Variants in EGF observed in about 807,000 individuals in gnomAD.
EGF encodes the protein epidermal growth factor, also known as pro-epidermal growth factor.
Under a neutral mutation model 143.8 loss-of-function variants are expected in EGF, and 95 were observed. That is an observed-to-expected ratio of 0.66 (90% CI 0.56 to 0.78). The LOEUF (loss-of-function observed/expected upper bound fraction) is 0.78. EGF is among the 30% of genes least tolerant of loss of function. The probability of loss-of-function intolerance (pLI) is 0.00; values close to 1 mark genes in which losing one functional copy is unlikely to be tolerated. For synonymous variants in EGF, 510 were observed against 510.5 expected (o/e 1.00, Z 0.01); for missense variants, 1,320 against 1,470.9 (o/e 0.90, Z 1.68).
intron 5 of EGF, among the ~76,000 whole-genome samples, chr4:109,952,119 T>C (rs1391698286): frequency 6.6e-6 from 1 of 152,220 alleles, no homozygotes; most frequent in Non-Finnish European, 1.5e-5. Context: ...TACACTATTA[T>C]ACAAATCTCA....
intron 14 of EGF, 102 bp downstream of exon 14, chr4:109,980,241 T>G: frequency 5.3e-6 from 6 of 1,129,176 alleles, no homozygotes; most frequent in African/African-American, 1.6e-5. Context: ...GGGGATTTTG[T>G]AACTTTCACT....
In EGF at chr4:110,013,729, C is replaced by T. The variant is rs11569158; in HGVS notation, c.*2274C>T. Reference sequence around the variant, plus strand: ...CTATGTAAAAAATGAGCATATTGGCCTCTTTTCTAGCATCTAATAAAGGCT... The same window carrying T: ...CTATGTAAAAAATGAGCATATTGGCTTCTTTTCTAGCATCTAATAAAGGCT... On this transcript the variant is annotated 3_prime_UTR_variant, in exon 24 of 24. Transcript: ENST00000265171. Among the ~76,000 whole-genome samples, 4,561 of 152,036 alleles carry T rather than the reference C, an allele frequency of 0.03. 237 individuals are homozygous for T. The highest frequency in any genetic ancestry group is 0.11 in the African/African-American group (4,352 of 41,444).
At chr4:109,989,824 A>G (rs967852916) in intron 18 of EGF, among the ~76,000 whole-genome samples, 13 of 152,096 alleles carry the variant, frequency 8.5e-5, no homozygotes, top group Non-Finnish European at 1.6e-4. Context: ...CGAGCACGCA[A>G]TGGGGTGTGC....
chr4:109,916,972 C>T (rs534653973), intron 1 of EGF, among the ~76,000 whole-genome samples: 38 of 152,186 alleles, frequency 2.5e-4, no homozygotes, highest in African/African-American at 8.9e-4. Context: ...AAGAACATGT[C>T]AACTTGATTT....
At chr4:109,935,514 C>T (rs185837239) in intron 1 of EGF, among the ~76,000 whole-genome samples, 20 of 152,280 alleles carry the variant, frequency 1.3e-4, no homozygotes, top group South Asian at 6.2e-4. Context: ...GACAATTTGA[C>T]GTCCCTTTTT....
In EGF at chr4:110,004,627, T is replaced by C. The variant is rs1376798311; in HGVS notation, c.3291+5T>C. 1 of 1,613,502 alleles carries C rather than the reference T, an allele frequency of 6.2e-7. No homozygotes were observed. ...TCCTCTTGCCCTCAACCTTGGGTAATGTGACCAAAGCAGATGAAGCAAGGA... is the reference window on the plus strand; with the variant it reads ...TCCTCTTGCCCTCAACCTTGGGTAACGTGACCAAAGCAGATGAAGCAAGGA... On this transcript the variant is annotated splice_donor_5th_base_variant and intron_variant, in intron 22 of 23. Transcript: ENST00000265171.
At chr4:109,949,735 C>G (rs1209692326) in intron 5 of EGF, among the ~76,000 whole-genome samples, 1 of 151,468 alleles carries the variant, frequency 6.6e-6, no homozygotes, top group Non-Finnish European at 1.5e-5. Context: ...TGACTTAAAA[C>G]ATGGGAATTT....
Position 109,960,745 on chromosome 4 carries a change from C to A in EGF, c.1067-122C>A, listed in dbSNP as rs547120765. On this transcript the variant is annotated intron_variant, in intron 6 of 23. Coordinates refer to ENST00000265171, the MANE Select transcript of EGF (RefSeq NM_001963.6). ...TGCTAGAGTATGGAAAACAGACTTT[C>A]CATGATCAATTACAGCATATACAAG... is the stretch of plus-strand genomic sequence containing the variant. 73 of 1,135,378 alleles carry A rather than the reference C, an allele frequency of 6.4e-5. No individual in the cohort carries two copies. The African/African-American group carries it at 1.0e-3, about 16-fold the overall frequency. 70.3% of individuals were successfully genotyped at this position (1,135,378 alleles called of 1,614,324 possible). A position where few individuals can be genotyped will look rare whatever the true frequency, so the allele number is the denominator to read the frequency against.
intron 23 of EGF, among the ~76,000 whole-genome samples, chr4:110,009,706 G>A (rs1308101701): frequency 6.6e-6 from 1 of 152,118 alleles, no homozygotes; most frequent in Non-Finnish European, 1.5e-5. Context: ...GGGTGAAAAT[G>A]CGCATAGAGA....
At chr4:109,917,314 T>C (rs758966069) in intron 1 of EGF, among the ~76,000 whole-genome samples, 5 of 152,234 alleles carry the variant, frequency 3.3e-5, no homozygotes, top group Non-Finnish European at 5.9e-5. Context: ...TAGAAGTTGC[T>C]TGTGTTCATG....
chr4:109,920,470 G>C lies in EGF; in HGVS notation c.127+7008G>C, dbSNP rs1010573333. On this transcript the variant is annotated intron_variant, in intron 1 of 23. Coordinates refer to ENST00000265171, the MANE Select transcript of EGF (RefSeq NM_001963.6). ...GGAGAACAGGGGAGAGCACTTGATGGGGCGAGGAGAAGAGAGGCAGGCCCT... is the reference window on the plus strand; with the variant it reads ...GGAGAACAGGGGAGAGCACTTGATGCGGCGAGGAGAAGAGAGGCAGGCCCT... 7.3e-5 allele frequency among the ~76,000 whole-genome samples: 11 copies of C among 151,556 alleles called. 2 individuals carry two copies. Among genetic ancestry groups the C allele is most frequent in the African/African-American group, 2.2e-4 (9 of 40,876 alleles).
chr4:110,000,673 G>A (rs1752463096), intron 21 of EGF, among the ~76,000 whole-genome samples: 1 of 152,116 alleles, frequency 6.6e-6, no homozygotes, highest in African/African-American at 2.4e-5. Context: ...ACTACATTAG[G>A]GTGCAGGCAC....
intron 11 of EGF, among the ~76,000 whole-genome samples, chr4:109,972,851 T>C (rs1246894330): frequency 2.0e-5 from 3 of 152,078 alleles, no homozygotes; most frequent in Non-Finnish European, 2.9e-5. Flanking sequence ...ACCTAGAAAA[T>C]AGTTGGTGAA....
chr4:110,003,566 G>C (rs11569106), intron 21 of EGF, among the ~76,000 whole-genome samples: 241 of 152,162 alleles, frequency 1.6e-3, no homozygotes, highest in African/African-American at 5.4e-3. Flanking sequence ...TTTGACAGAG[G>C]GTTGCATTCC....
At position 109,913,245 on chromosome 4, in the gene EGF, C is replaced by T. The variant is rs74541082; in HGVS notation, c.-91C>T. 50 of 1,551,810 alleles carry T rather than the reference C, an allele frequency of 3.2e-5. No homozygotes were observed. Among genetic ancestry groups the T allele is most frequent in the Non-Finnish European group, 3.9e-5 (44 of 1,129,936 alleles). ...GGGCTGAGGCCTCCGCTCAGGCAGCCGCATCTGGGGTCAATCATACTCACC... is the reference window on the plus strand; with the variant it reads ...GGGCTGAGGCCTCCGCTCAGGCAGCTGCATCTGGGGTCAATCATACTCACC... On this transcript the variant is annotated 5_prime_UTR_variant, in exon 1 of 24. Coordinates refer to ENST00000265171, the MANE Select transcript of EGF (RefSeq NM_001963.6).
At chr4:109,954,214 G>A (rs1311224020) in intron 5 of EGF, among the ~76,000 whole-genome samples, 1 of 152,088 alleles carries the variant, frequency 6.6e-6, no homozygotes, top group African/African-American at 2.4e-5. Flanking sequence ...ACCACACCTG[G>A]CTAATTTTTG....
chr4:109,940,914 G>A (rs1741817588), intron 1 of EGF, 32 bp from the exon 2 acceptor site: 1 of 1,594,304 alleles, frequency 6.3e-7, no homozygotes, highest in Admixed American at 1.7e-5. Context: ...AATATTAAAA[G>A]TATACAGTTT....
chr4:109,929,244 T>A (rs879668886), intron 1 of EGF, among the ~76,000 whole-genome samples: 13 of 152,298 alleles, frequency 8.5e-5, no homozygotes, highest in Admixed American at 8.5e-4. Context: ...GGCATAGCTT[T>A]GTACCCCTAC....
chr4:109,994,830 C>T lies in EGF; in HGVS notation c.2955C>T (p.Leu985=). 6.2e-7 allele frequency: 1 copy of T among 1,614,136 alleles called. No individual in the cohort carries two copies. Among genetic ancestry groups the T allele is most frequent in the Non-Finnish European group, 8.5e-7 (1 of 1,180,006 alleles). The change falls in exon 20 of 24, where the codon CTC becomes CTT. Residue 985 remains leucine (L), a synonymous_variant. Coordinates refer to ENST00000265171, the MANE Select transcript of EGF (RefSeq NM_001963.6). ...ECPLSHDGYC[L]HDGVCMYIEA... ...CCCTGTCCCACGATGGGTACTGCCT[C>T]CATGATGGTGTGTGCATGTATATTG... is the stretch of plus-strand genomic sequence containing the variant.
Sources: allele counts gnomAD v4.1 joint callset (sites outside exome capture counted in the v4.1 genomes callset), GRCh38; gene constraint gnomAD v4.1.1; transcripts MANE v1.5; gene names NCBI Gene and HGNC (gene_info 2026-07-23, HGNC 2026-07-21).